INSR: variants seen among roughly 807,000 people sequenced by gnomAD.
INSR encodes the protein insulin receptor.
In INSR, 67 loss-of-function variants were observed where a neutral mutation model predicts 142.6. The observed-to-expected ratio is 0.47, with a 90% CI of 0.39 to 0.58. The LOEUF is 0.58. INSR is among the 20% of genes least tolerant of loss of function. INSR has a pLI of 0.00. For synonymous variants in INSR, 756 were observed against 743.1 expected (o/e 1.02, Z -0.28); for missense variants, 1,248 against 1,833.2 (o/e 0.68, Z 5.83).
chr19:7,129,702 C>T (rs528800341), intron 14 of INSR, among the ~76,000 whole-genome samples: 27 of 152,236 alleles, frequency 1.8e-4, no homozygotes, highest in South Asian at 6.2e-4. Flanking sequence ...TAGCTAGTCC[C>T]GATCCCAGCA....
At chr19:7,213,189 C>A (rs923590410) in intron 2 of INSR, among the ~76,000 whole-genome samples, 1 of 151,786 alleles carries the variant, frequency 6.6e-6, no homozygotes, top group South Asian at 2.1e-4. Context: ...ACTAAAAATA[C>A]AAAAATTAGC....
chr19:7,150,959 T>G lies in INSR; in HGVS notation c.2232-427A>C, dbSNP rs1294816422. On this transcript the variant is annotated intron_variant, in intron 10 of 21. Transcript: ENST00000302850. The surrounding 1 kb of genome is among the most constrained non-coding windows in gnomAD (Gnocchi z 4.2). The stretch of plus-strand genomic sequence containing the variant: ...CTCTCCCTCTCTCTCCTTCCTTCCT[T>G]CTTTCCTCTTTTACTTTCTTTCTCT... Among the ~76,000 whole-genome samples the G allele has an allele frequency of 4.6e-5, 7 of 151,520 alleles. No homozygotes were observed. In the East Asian group the frequency reaches 1.4e-3, roughly 29 times the overall value.
chr19:7,131,687 C>CTTTTTTT (rs371571877), intron 14 of INSR, among the ~76,000 whole-genome samples: 1 of 122,016 alleles, frequency 8.2e-6, no homozygotes, highest in Non-Finnish European at 1.6e-5. Flanking sequence ...ACCTCTGAAA[C>CTTTTTTT]TTTTTTTTTT....
In INSR at chr19:7,252,272, C is replaced by T. The variant is rs968172347; in HGVS notation, c.652+15073G>A. On this transcript the variant is annotated intron_variant, in intron 2 of 21. Transcript: ENST00000302850. ...TAAAAATACAAAAAAAGTAGCCAGGCGTGGTGGTGTTCACCTATAATCCCA... is the reference window on the plus strand; with the variant it reads ...TAAAAATACAAAAAAAGTAGCCAGGTGTGGTGGTGTTCACCTATAATCCCA... Among the ~76,000 whole-genome samples the T allele has an allele frequency of 8.6e-5, 13 of 152,004 alleles. 1 individual carries two copies. The highest frequency in any genetic ancestry group is 2.4e-4 in the African/African-American group (10 of 41,328).
chr19:7,292,480 T>TG (rs1568242710), intron 1 of INSR, among the ~76,000 whole-genome samples: 1 of 92,452 alleles, frequency 1.1e-5, no homozygotes, highest in Non-Finnish European at 2.3e-5. Flanking sequence ...TGGGGGGGGG[T>TG]GGGCCCGGGG....
intron 2 of INSR, among the ~76,000 whole-genome samples, chr19:7,214,205 G>C (rs989118333): frequency 6.6e-6 from 1 of 152,188 alleles, no homozygotes; most frequent in Non-Finnish European, 1.5e-5. Flanking sequence ...TATGAGAAGA[G>C]ACATTTTCCC....
intron 1 of INSR, chr19:7,268,292 G>A (rs1195284018): frequency 4.2e-6 from 1 of 239,768 alleles, no homozygotes; most frequent in African/African-American, 3.1e-5. Flanking sequence ...AGGTGCCCGC[G>A]GTCAGAAATG....
chr19:7,153,037 CACACCACACACCCCCCCACA>C lies in INSR; in HGVS notation c.2030-130_2030-111del. The C allele has an allele frequency of 3.0e-5, 11 of 366,670 alleles. No homozygotes were observed. In the African/African-American group the frequency reaches 1.0e-3, roughly 33 times the overall value. 22.7% of individuals were successfully genotyped at this position (366,670 alleles called of 1,614,324 possible). A position where few individuals can be genotyped will look rare whatever the true frequency, so the allele number is the denominator to read the frequency against. ...ACCACACACACACACCACACACACA[CACACCACACACCCCCCCACA>C]CACACACACCACACACATCACACAA... On this transcript the variant is annotated intron_variant, in intron 9 of 21. Transcript: ENST00000302850.
intron 1 of INSR, among the ~76,000 whole-genome samples, chr19:7,288,465 CTG>C (rs1489132950): frequency 2.0e-5 from 3 of 151,988 alleles, no homozygotes; most frequent in African/African-American, 7.2e-5. Flanking sequence ...TAGTGAGACT[CTG>C]TCTCTACAAA....
chr19:7,217,759 C>A (rs1019151606), intron 2 of INSR, among the ~76,000 whole-genome samples: 3 of 152,200 alleles, frequency 2.0e-5, no homozygotes, highest in Non-Finnish European at 4.4e-5. Context: ...CGGGGTTTCA[C>A]CGTGTTAGCC....
intron 2 of INSR, among the ~76,000 whole-genome samples, chr19:7,237,624 G>A (rs1371664171): frequency 6.6e-6 from 1 of 151,890 alleles, no homozygotes; most frequent in Non-Finnish European, 1.5e-5. Flanking sequence ...GACCATCCTG[G>A]CTAGCATGGT....
At chr19:7,140,769 G>A (rs1358962656) in intron 13 of INSR, among the ~76,000 whole-genome samples, 4 of 147,288 alleles carry the variant, frequency 2.7e-5, no homozygotes, top group African/African-American at 7.7e-5. Flanking sequence ...TAGAATTAAC[G>A]GCCCTTTTTT....
At chr19:7,245,700 C>T (rs774162223) in intron 2 of INSR, among the ~76,000 whole-genome samples, 6 of 152,090 alleles carry the variant, frequency 3.9e-5, no homozygotes, top group Admixed American at 1.3e-4. Context: ...GCCACCTCGG[C>T]CTCCCAAAAT....
intron 2 of INSR, among the ~76,000 whole-genome samples, chr19:7,232,804 CG>C (rs1238277884): frequency 6.6e-6 from 1 of 150,818 alleles, no homozygotes; most frequent in African/African-American, 2.4e-5. Flanking sequence ...TGCAAGACTC[CG>C]TCTCAAAAAA....
At chr19:7,207,944 A>G (rs145688028) in intron 2 of INSR, among the ~76,000 whole-genome samples, 890 of 46,198 alleles carry the variant, frequency 0.019, 12 homozygotes, top group African/African-American at 0.046. Flanking sequence ...AAGGAAGGGA[A>G]GGAGGGAGGG....
chr19:7,125,641 G>T lies in INSR; in HGVS notation c.3014-114C>A. On this transcript the variant is annotated intron_variant, in intron 16 of 21. Transcript: ENST00000302850. The surrounding 1 kb of genome is among the most constrained non-coding windows in gnomAD (Gnocchi z 4.9). Reference sequence around the variant, plus strand: ...CGAAAACACTCATGAAATGAGTTCTGTGATCCAGGACCCATGCCGGGCACT... The same window carrying T: ...CGAAAACACTCATGAAATGAGTTCTTTGATCCAGGACCCATGCCGGGCACT... 7.1e-7 allele frequency: 1 copy of T among 1,414,872 alleles called. No homozygotes were observed. Among genetic ancestry groups the T allele is most frequent in the Non-Finnish European group, 9.8e-7 (1 of 1,019,300 alleles). The allele number at this position is 1,414,872 out of a possible 1,614,324, so 87.6% of individuals were successfully genotyped here. A position where few individuals can be genotyped will look rare whatever the true frequency, so the allele number is the denominator to read the frequency against.
At chr19:7,245,036 C>G (rs377161630) in intron 2 of INSR, among the ~76,000 whole-genome samples, 5 of 149,890 alleles carry the variant, frequency 3.3e-5, no homozygotes, top group African/African-American at 1.2e-4. Flanking sequence ...CCCAAGTTCA[C>G]GCCATTCTCC....
At chr19:7,251,386 A>G (rs969125901) in intron 2 of INSR, among the ~76,000 whole-genome samples, 1 of 151,778 alleles carries the variant, frequency 6.6e-6, no homozygotes, top group Non-Finnish European at 1.5e-5. Context: ...CCTCCCGAGT[A>G]GCTGGGACTA....
At position 7,148,826 on chromosome 19, in the gene INSR, G is replaced by A. The variant is rs192769432; in HGVS notation, c.2267+1671C>T. 5.4e-4 allele frequency among the ~76,000 whole-genome samples: 81 copies of A among 151,014 alleles called. No homozygotes were observed. In the East Asian group the frequency reaches 6.7e-3, roughly 12 times the overall value. On this transcript the variant is annotated intron_variant, in intron 11 of 21. Coordinates refer to ENST00000302850, the MANE Select transcript of INSR (RefSeq NM_000208.4). ...TTTATTTTTTTTGAGACGGAGTCTC[G>A]CTCTGTGGCCCAGGCTGGAGTGCAG...
Sources: allele counts gnomAD v4.1 joint callset (sites outside exome capture counted in the v4.1 genomes callset), GRCh38; gene constraint gnomAD v4.1.1; non-coding constraint Gnocchi (gnomAD v3.1); transcripts MANE v1.5; gene names NCBI Gene and HGNC (gene_info 2026-07-23, HGNC 2026-07-21).